C1orf21: variants seen among roughly 807,000 people sequenced by gnomAD.
The protein encoded by C1orf21 is chromosome 1 open reading frame 21, also known as uncharacterized protein C1orf21.
C1orf21 carries 3 observed loss-of-function variants against 18.7 expected under a neutral mutation model. The observed-to-expected ratio is 0.16, with a 90% confidence interval of 0.07 to 0.42. The LOEUF (loss-of-function observed/expected upper bound fraction) is 0.42, where lower values mean the gene tolerates loss of function less well. Among genes scored for constraint, C1orf21 ranks in the 10% least tolerant of loss-of-function variants. C1orf21 has a pLI of 0.99. For synonymous variants in C1orf21, 41 were observed against 46.4 expected, an observed-to-expected ratio of 0.88 and a Z score of 0.47; for missense variants, 104 against 143.6, an observed-to-expected ratio of 0.72 and a Z score of 1.41.
chr1:184,610,082 T>C (rs1659704924), intron 5 of C1orf21, among the ~76,000 whole-genome samples: 1 of 152,250 alleles, frequency 6.6e-6, no homozygotes, highest in African/African-American at 2.4e-5. Context: ...AATTCTGTTC[T>C]CTGGGGCAGG....
chr1:184,564,311 CTTAT>C (rs1184649679), intron 3 of C1orf21, among the ~76,000 whole-genome samples: 4 of 152,006 alleles, frequency 2.6e-5, no homozygotes, highest in Admixed American at 6.6e-5. Flanking sequence ...TCCTTATTTA[CTTAT>C]TTATTTATTT....
At position 184,489,387 on chromosome 1, in the gene C1orf21, CA is replaced by C. The variant is rs199964507; in HGVS notation, c.94+11791del. ...AAAATAAACCAAAAAAACAAACCAGCAAAAAAACCCAAAGCAAAACAAAACA... is the reference window on the plus strand; with the variant it reads ...AAAATAAACCAAAAAAACAAACCAGCAAAAAACCCAAAGCAAAACAAAACA... On this transcript the variant is annotated intron_variant, in intron 2 of 5. Coordinates refer to ENST00000235307, the MANE Select transcript of C1orf21 (RefSeq NM_030806.4). Among the ~76,000 whole-genome samples, 1,119 of 152,106 alleles carry C rather than the reference CA, an allele frequency of 7.4e-3. 6 individuals carry two copies. Among genetic ancestry groups the C allele is most frequent in the Middle Eastern group, 0.021 (6 of 292 alleles).
intron 3 of C1orf21, among the ~76,000 whole-genome samples, chr1:184,562,513 G>A (rs1360977501): frequency 6.6e-6 from 1 of 152,198 alleles, no homozygotes; most frequent in Non-Finnish European, 1.5e-5. Flanking sequence ...TCTGAGCAGC[G>A]TGTAAAGACA....
At chr1:184,528,539 G>T (rs1362342852) in intron 3 of C1orf21, among the ~76,000 whole-genome samples, 1 of 152,074 alleles carries the variant, frequency 6.6e-6, no homozygotes, top group Non-Finnish European at 1.5e-5. Flanking sequence ...CTGCCTCCCA[G>T]GTTCCAGCAA....
At chr1:184,406,256 C>G (rs1044047300) in intron 1 of C1orf21, among the ~76,000 whole-genome samples, 1 of 152,044 alleles carries the variant, frequency 6.6e-6, no homozygotes, top group Non-Finnish European at 1.5e-5. Flanking sequence ...AAATGAAATG[C>G]ATGTAAAATT....
In C1orf21 at chr1:184,387,664, C is replaced by T. The variant is rs1655908559; in HGVS notation, c.-125+296C>T. Among the ~76,000 whole-genome samples, 1 of 152,148 alleles carries T rather than the reference C, an allele frequency of 6.6e-6. No homozygotes were observed. The highest frequency in any genetic ancestry group is 1.5e-5 in the Non-Finnish European group (1 of 68,010). ...GGGATGTGGTCGGGGCTGCTGACGACTTTCGTCACATCGAGGCCTGGGTGG... is the reference window on the plus strand; with the variant it reads ...GGGATGTGGTCGGGGCTGCTGACGATTTTCGTCACATCGAGGCCTGGGTGG... On this transcript the variant is annotated intron_variant, in intron 1 of 5. Transcript: ENST00000235307. The surrounding 1 kb of genome is among the most constrained non-coding windows in gnomAD (Gnocchi z 5.6).
intron 1 of C1orf21, among the ~76,000 whole-genome samples, chr1:184,391,457 A>G (rs1276144092): frequency 6.6e-6 from 1 of 152,206 alleles, no homozygotes; most frequent in Non-Finnish European, 1.5e-5. Flanking sequence ...CATAGCAGCT[A>G]GCACACTACT....
At chr1:184,597,065 C>T (rs963995432) in intron 4 of C1orf21, among the ~76,000 whole-genome samples, 2 of 152,126 alleles carry the variant, frequency 1.3e-5, no homozygotes, top group African/African-American at 4.8e-5. Flanking sequence ...CTTTTCTGCC[C>T]AGGATCCTAC....
chr1:184,452,344 G>A (rs1295286265), intron 1 of C1orf21, among the ~76,000 whole-genome samples: 2 of 152,210 alleles, frequency 1.3e-5, no homozygotes, highest in East Asian at 1.9e-4. Context: ...TTCATTGCAG[G>A]TGTGAGTGTG....
intron 3 of C1orf21, among the ~76,000 whole-genome samples, chr1:184,531,617 T>C (rs1370888459): frequency 4.6e-5 from 7 of 152,212 alleles, no homozygotes; most frequent in African/African-American, 1.7e-4. Context: ...TCCATTTTTC[T>C]TTTGGGCTAC....
chr1:184,527,860 C>T (rs1658401644), intron 3 of C1orf21, among the ~76,000 whole-genome samples: 2 of 152,150 alleles, frequency 1.3e-5, no homozygotes, highest in African/African-American at 4.8e-5. Context: ...TAACACAATG[C>T]TTGTCACATA....
At chr1:184,432,449 C>G (rs1045737920) in intron 1 of C1orf21, among the ~76,000 whole-genome samples, 2 of 152,054 alleles carry the variant, frequency 1.3e-5, no homozygotes, top group Non-Finnish European at 2.9e-5. Context: ...TGTTCTCACT[C>G]GTAAGTAGGA....
intron 3 of C1orf21, among the ~76,000 whole-genome samples, chr1:184,531,780 T>G (rs1285889683): frequency 1.3e-5 from 2 of 152,134 alleles, no homozygotes; most frequent in African/African-American, 4.8e-5. Context: ...GATCTCTTTT[T>G]TCCCCACAGC....
intron 3 of C1orf21, chr1:184,540,014 T>G (rs1285749282): frequency 6.6e-6 from 1 of 152,234 alleles, no homozygotes; most frequent in Non-Finnish European, 1.5e-5. Context: ...CTTGTTGTTT[T>G]AAGCCATTCT....
intron 2 of C1orf21, among the ~76,000 whole-genome samples, chr1:184,487,556 GT>G (rs1216071110): frequency 2.6e-5 from 4 of 152,186 alleles, no homozygotes; most frequent in African/African-American, 4.8e-5. Flanking sequence ...TTGATATTAA[GT>G]CCAAACCAAC....
chr1:184,531,310 A>C (rs896286650), intron 3 of C1orf21, among the ~76,000 whole-genome samples: 4 of 151,622 alleles, frequency 2.6e-5, no homozygotes, highest in Non-Finnish European at 5.9e-5. Context: ...TCTACACTCT[A>C]TTTTCTATGT....
intron 3 of C1orf21, among the ~76,000 whole-genome samples, chr1:184,539,328 T>C (rs1658609202): frequency 6.6e-6 from 1 of 152,218 alleles, no homozygotes; most frequent in African/African-American, 2.4e-5. Flanking sequence ...CATCTTGGCA[T>C]TCTAGGAATA....
intron 5 of C1orf21, among the ~76,000 whole-genome samples, chr1:184,608,281 G>C (rs1407632196): frequency 6.6e-6 from 1 of 152,178 alleles, no homozygotes; most frequent in Non-Finnish European, 1.5e-5. Context: ...ATGAAAACAG[G>C]AATGTGTTTT....
At chr1:184,427,353 T>C (rs1170260180) in intron 1 of C1orf21, among the ~76,000 whole-genome samples, 1 of 152,188 alleles carries the variant, frequency 6.6e-6, no homozygotes, top group African/African-American at 2.4e-5. Flanking sequence ...ATGTCTCTGT[T>C]TGTATGAGCT....
Sources: gnomAD v4.1 joint callset for allele counts (sites outside exome capture counted in the v4.1 genomes callset) on GRCh38, gnomAD v4.1.1 for gene constraint, Gnocchi (gnomAD v3.1) non-coding constraint, MANE v1.5 for transcripts, NCBI Gene and HGNC (gene_info 2026-07-23, HGNC 2026-07-21) for gene names.